The following TASP1 variants were observed in gnomAD, a reference collection of about 807,000 sequenced individuals.
The protein encoded by TASP1 is taspase 1.
A neutral mutation model predicts 56.6 loss-of-function variants in TASP1; 16 were observed. The observed-to-expected ratio is 0.28, with a 90% CI of 0.19 to 0.43. TASP1 has a LOEUF of 0.43. Among genes scored for constraint, TASP1 ranks in the 20% least tolerant of loss-of-function variants. TASP1 has a pLI of 1.00. For synonymous variants in TASP1, 179 were observed against 184.2 expected (o/e 0.97, Z 0.23); for missense variants, 393 against 511.6 (o/e 0.77, Z 2.24).
the TASP1 span, among the ~76,000 whole-genome samples, chr20:13,283,498 A>T: frequency 6.6e-6 from 1 of 152,236 alleles, no homozygotes; most frequent in Non-Finnish European, 1.5e-5. Flanking sequence ...GGTGAAATAC[A>T]TGTAGGATAC....
chr20:13,504,760 AAGTT>A (rs1422077415), intron 10 of TASP1, among the ~76,000 whole-genome samples: 1 of 152,200 alleles, frequency 6.6e-6, no homozygotes, highest in Non-Finnish European at 1.5e-5. Flanking sequence ...TATCTAATCA[AAGTT>A]AGCTGTTAGC....
At chr20:13,545,922 C>T (rs113401537) in intron 8 of TASP1, among the ~76,000 whole-genome samples, 4 of 152,270 alleles carry the variant, frequency 2.6e-5, no homozygotes, top group African/African-American at 4.8e-5. Context: ...TCCTCCAATT[C>T]CATTAAGACT....
chr20:13,268,154 C>CT, the TASP1 span, among the ~76,000 whole-genome samples: 660 of 149,044 alleles, frequency 4.4e-3, 6 homozygotes, highest in African/African-American at 0.014. Context: ...CTCTTCTCTT[C>CT]CCTTCCCTTC....
the TASP1 span, among the ~76,000 whole-genome samples, chr20:13,114,864 G>T: frequency 6.6e-6 from 1 of 152,136 alleles, no homozygotes. Flanking sequence ...TATGTGGAGG[G>T]AAAAGTGGTG....
At chr20:13,195,289 A>G in the TASP1 span, among the ~76,000 whole-genome samples, 1 of 152,178 alleles carries the variant, frequency 6.6e-6, no homozygotes, top group African/African-American at 2.4e-5. Context: ...ATAACCACCT[A>G]GATTTACTTG....
chr20:13,126,043 A>G, the TASP1 span, among the ~76,000 whole-genome samples: 1 of 151,670 alleles, frequency 6.6e-6, no homozygotes, highest in African/African-American at 2.4e-5. Context: ...CCCCTTAATT[A>G]TCTTCATTCT....
the TASP1 span, among the ~76,000 whole-genome samples, chr20:13,201,756 T>G: frequency 2.4e-3 from 353 of 145,264 alleles, 1 homozygote; most frequent in African/African-American, 8.4e-3. Context: ...ATGGTAAACT[T>G]TTTTTTTTTT....
the TASP1 span, among the ~76,000 whole-genome samples, chr20:13,268,350 CTCTCT>C: frequency 5.0e-3 from 5 of 994 alleles, no homozygotes; most frequent in Non-Finnish European, 8.4e-3. Flanking sequence ...TCTTCTTCCT[CTCTCT>C]CTCTCTCTCT....
the TASP1 span, among the ~76,000 whole-genome samples, chr20:13,369,268 G>A: frequency 1.3e-5 from 2 of 152,192 alleles, no homozygotes; most frequent in African/African-American, 4.8e-5. Context: ...CAACATGGTG[G>A]AACCTCGTCT....
the TASP1 span, chr20:13,368,613 G>A: frequency 6.6e-5 from 10 of 152,294 alleles, no homozygotes; most frequent in African/African-American, 1.4e-4. Context: ...GGTAGGCACA[G>A]ATGCAGATAG....
At chr20:13,604,442 T>A (rs2048072397) in intron 4 of TASP1, among the ~76,000 whole-genome samples, 2 of 152,174 alleles carry the variant, frequency 1.3e-5, no homozygotes, top group Admixed American at 1.3e-4. Context: ...CTACCATTAT[T>A]TTAAACTTCC....
intron 7 of TASP1, among the ~76,000 whole-genome samples, chr20:13,565,861 T>C (rs1206718909): frequency 1.3e-5 from 2 of 151,984 alleles, no homozygotes; most frequent in East Asian, 1.9e-4. Context: ...CCAAAAAAAA[T>C]GGACAGCAGG....
chr20:13,461,918 C>T (rs867513462), intron 11 of TASP1, among the ~76,000 whole-genome samples: 3 of 152,070 alleles, frequency 2.0e-5, no homozygotes, highest in South Asian at 2.1e-4. Flanking sequence ...TTCTTTCCAT[C>T]GAAAAGAAGC....
the TASP1 span, among the ~76,000 whole-genome samples, chr20:13,322,983 C>T: frequency 2.0e-5 from 3 of 152,146 alleles, no homozygotes; most frequent in Non-Finnish European, 4.4e-5. Context: ...GAAGAGACAA[C>T]ATTTGACAAA....
chr20:13,342,843 TAGAGGATGGGTCCTTATCC>T, the TASP1 span, among the ~76,000 whole-genome samples: 1 of 151,988 alleles, frequency 6.6e-6, no homozygotes. Flanking sequence ...TGGGGGTGTG[TAGAGGATGGGTCCTTATCC>T]AGCTCCGGTC....
rs183030034 is a variant in TASP1 at position 13,391,946 on chromosome 20, C to T, written c.1171-1494G>A. On this transcript the variant is annotated intron_variant, in intron 13 of 13. Transcript: ENST00000337743. ...TCACGCCACTGCACTCGAGCCTGGG[C>T]GACAGAGCGAGACTCCGTCTCAAAA... Among the ~76,000 whole-genome samples, 118 of 137,984 alleles carry T rather than the reference C, an allele frequency of 8.6e-4. 1 individual carries two copies. In the East Asian group the frequency reaches 0.022, roughly 25 times the overall value. The allele number at this position is 137,984 out of a possible 152,430, so 90.5% of individuals were successfully genotyped here. A position where few individuals can be genotyped will look rare whatever the true frequency, so the allele number is the denominator to read the frequency against.
At chr20:13,566,508 G>A (rs1378448634) in intron 7 of TASP1, among the ~76,000 whole-genome samples, 2 of 148,810 alleles carry the variant, frequency 1.3e-5, no homozygotes, top group Non-Finnish European at 3.0e-5. Context: ...ACAAGCTATT[G>A]ATAAACACAA....
chr20:13,157,396 C>T, the TASP1 span, among the ~76,000 whole-genome samples: 12 of 152,066 alleles, frequency 7.9e-5, no homozygotes, highest in African/African-American at 2.7e-4. Flanking sequence ...AAGATCATAC[C>T]ACTGCACTCC....
the TASP1 span, among the ~76,000 whole-genome samples, chr20:13,285,117 T>C: frequency 3.9e-5 from 6 of 152,132 alleles, no homozygotes; most frequent in East Asian, 1.2e-3. Flanking sequence ...TGAAACCTCA[T>C]CTCTATAAAA....
Sources: gnomAD v4.1 joint callset for allele counts (sites outside exome capture counted in the v4.1 genomes callset) on GRCh38, gnomAD v4.1.1 for gene constraint, MANE v1.5 for transcripts, NCBI Gene and HGNC (gene_info 2026-07-23, HGNC 2026-07-21) for gene names.